FANK1: variants seen among roughly 807,000 people sequenced by gnomAD.
FANK1 encodes fibronectin type III and ankyrin repeat domains 1.
Under a neutral mutation model 45.3 loss-of-function variants are expected in FANK1, and 44 were observed. The observed-to-expected ratio is 0.97, with a 90% CI of 0.76 to 1.25. The LOEUF is 1.25. Among genes scored for constraint, FANK1 ranks in the 50% most tolerant of loss-of-function variants. The pLI is 0.00. For synonymous variants in FANK1, 149 were observed against 152.5 expected (o/e 0.98, Z 0.17); for missense variants, 391 against 424.4 (o/e 0.92, Z 0.69).
intron 1 of FANK1, among the ~76,000 whole-genome samples, chr10:125,938,036 A>AT (rs925902301): frequency 2.0e-5 from 3 of 152,138 alleles, no homozygotes; most frequent in African/African-American, 4.8e-5. Flanking sequence ...TTGTAAACAC[A>AT]TTTTTCAGAC....
At chr10:125,945,121 T>C (rs923236823) in intron 1 of FANK1, among the ~76,000 whole-genome samples, 2 of 152,344 alleles carry the variant, frequency 1.3e-5, no homozygotes, top group East Asian at 1.9e-4. Context: ...ACAAGCCTCA[T>C]TGTGTTGTAT....
intron 3 of FANK1, 89 bp downstream of exon 3, chr10:125,988,764 C>T (rs1951733348): frequency 6.3e-7 from 1 of 1,593,026 alleles, no homozygotes; most frequent in East Asian, 2.2e-5. Context: ...TCTCGTTTGG[C>T]CTTACCAGAA....
intron 1 of FANK1, among the ~76,000 whole-genome samples, chr10:125,951,099 G>C (rs1440645070): frequency 4.2e-5 from 5 of 118,296 alleles, no homozygotes; most frequent in South Asian, 6.8e-4. Flanking sequence ...GTGGTGGGGT[G>C]GGGGGAGGGG....
intron 1 of FANK1, among the ~76,000 whole-genome samples, chr10:125,909,266 A>G (rs111449121): frequency 1.3e-5 from 2 of 152,190 alleles, no homozygotes; most frequent in Non-Finnish European, 2.9e-5. Flanking sequence ...AGAGAGAACT[A>G]CACAAGGCCT....
chr10:125,954,737 T>TA (rs1393387034), intron 1 of FANK1, among the ~76,000 whole-genome samples: 1 of 152,018 alleles, frequency 6.6e-6, no homozygotes, highest in East Asian at 1.9e-4. Flanking sequence ...CTGGCCAACA[T>TA]AGTGAAACCC....
intron 1 of FANK1, among the ~76,000 whole-genome samples, chr10:125,945,463 C>T (rs902966066): frequency 2.6e-5 from 4 of 152,202 alleles, no homozygotes; most frequent in African/African-American, 9.6e-5. Flanking sequence ...CAGGGAGTTC[C>T]CTTTCCGAGT....
At chr10:125,933,315 G>A (rs117852176) in intron 1 of FANK1, among the ~76,000 whole-genome samples, 2,471 of 152,062 alleles carry the variant, frequency 0.016, 32 homozygotes, top group South Asian at 0.032. Flanking sequence ...CTTGCTGCTC[G>A]TTATTGGTCT....
intron 1 of FANK1, among the ~76,000 whole-genome samples, chr10:125,913,969 AAAG>A (rs1397774535): frequency 6.7e-6 from 1 of 148,754 alleles, no homozygotes; most frequent in African/African-American, 2.5e-5. Context: ...GTAAAAACAC[AAAG>A]AAGATGTTTG....
intron 1 of FANK1, among the ~76,000 whole-genome samples, chr10:125,977,735 C>T (rs1456103341): frequency 1.3e-5 from 2 of 152,072 alleles, no homozygotes; most frequent in Non-Finnish European, 2.9e-5. Context: ...TGCTGTGTGC[C>T]CAAGCCAGGG....
At chr10:125,920,978 C>T (rs1946904364) in intron 1 of FANK1, among the ~76,000 whole-genome samples, 2 of 152,164 alleles carry the variant, frequency 1.3e-5, no homozygotes, top group South Asian at 4.1e-4. Context: ...ATATTTGTGT[C>T]CACCTTCCTG....
chr10:125,913,068 C>A (rs1359621471), intron 1 of FANK1, among the ~76,000 whole-genome samples: 4 of 152,176 alleles, frequency 2.6e-5, no homozygotes, highest in Admixed American at 2.6e-4. Flanking sequence ...GCCCACAAAA[C>A]ATAATTTTTG....
chr10:125,910,723 T>C (rs1945922964), intron 1 of FANK1, among the ~76,000 whole-genome samples: 4 of 152,242 alleles, frequency 2.6e-5, no homozygotes, highest in Admixed American at 2.6e-4. Context: ...ACGTTTGCTA[T>C]TGTGATAGGC....
At position 126,006,051 on chromosome 10, in the gene FANK1, G is replaced by T. The variant is rs937540747; in HGVS notation, c.705+1002G>T. 6.6e-4 allele frequency among the ~76,000 whole-genome samples: 101 copies of T among 152,214 alleles called. 1 individual carries two copies. Among genetic ancestry groups the T allele is most frequent in the Non-Finnish European group, 2.8e-4 (19 of 68,040 alleles). ...TTTGAAAACTTTATTTCAAGACTTT[G>T]AAGAAATTAGCTAAAAATTTCAAAG... On this transcript the variant is annotated intron_variant, in intron 7 of 10. Coordinates refer to ENST00000368693, the MANE Select transcript of FANK1 (RefSeq NM_145235.5).
intron 1 of FANK1, among the ~76,000 whole-genome samples, chr10:125,918,084 AAG>A (rs1946599694): frequency 1.3e-5 from 2 of 152,376 alleles, no homozygotes; most frequent in South Asian, 2.1e-4. Flanking sequence ...TGTCAGAAAA[AAG>A]AAAAAAAAAG....
chr10:125,945,834 C>G (rs1173009827), intron 1 of FANK1, among the ~76,000 whole-genome samples: 3 of 152,248 alleles, frequency 2.0e-5, no homozygotes, highest in Non-Finnish European at 4.4e-5. Flanking sequence ...GTAACCTCTG[C>G]AGGCTTAAGT....
intron 1 of FANK1, among the ~76,000 whole-genome samples, chr10:125,911,317 C>T (rs1030986881): frequency 8.5e-5 from 13 of 152,200 alleles, no homozygotes; most frequent in Non-Finnish European, 1.2e-4. Context: ...TGGAAACGGA[C>T]TCTCCCCTAG....
At chr10:125,961,176 G>A (rs1949904100) in intron 1 of FANK1, among the ~76,000 whole-genome samples, 1 of 152,108 alleles carries the variant, frequency 6.6e-6, no homozygotes, top group Non-Finnish European at 1.5e-5. Context: ...GCATGATCAT[G>A]GCTCACTGTA....
chr10:126,003,233 A>G (rs934442122), intron 6 of FANK1, among the ~76,000 whole-genome samples: 1 of 151,414 alleles, frequency 6.6e-6, no homozygotes, highest in Non-Finnish European at 1.5e-5. Context: ...TTGTTCATCT[A>G]TCCCTTTATT....
intron 1 of FANK1, among the ~76,000 whole-genome samples, chr10:125,903,975 G>A (rs923947754): frequency 3.3e-5 from 5 of 151,932 alleles, no homozygotes; most frequent in African/African-American, 1.2e-4. Flanking sequence ...TCAGCCTCCC[G>A]CGTAGCTGGG....
Sources: gnomAD v4.1 joint callset for allele counts (sites outside exome capture counted in the v4.1 genomes callset) on GRCh38, gnomAD v4.1.1 for gene constraint, MANE v1.5 for transcripts, NCBI Gene and HGNC (gene_info 2026-07-23, HGNC 2026-07-21) for gene names.